The following HERC1 variants were observed in gnomAD, a reference collection of about 807,000 sequenced individuals.
HERC1 encodes the protein HECT and RLD domain containing E3 ubiquitin protein ligase family member 1, also known as probable E3 ubiquitin-protein ligase HERC1.
A neutral mutation model predicts 554.3 loss-of-function variants in HERC1; 160 were observed. That is an observed-to-expected ratio of 0.29 (90% CI 0.25 to 0.33). The LOEUF is 0.33. Among genes scored for constraint, HERC1 ranks in the 10% least tolerant of loss-of-function variants. HERC1 has a pLI of 1.00. For synonymous variants in HERC1, 2,175 were observed against 2,131.7 expected (o/e 1.02, Z -0.56); for missense variants, 4,919 against 5,918.5 (o/e 0.83, Z 5.54).
At chr15:63,621,777 C>T (rs547650210) in intron 74 of HERC1, among the ~76,000 whole-genome samples, 41 of 152,296 alleles carry the variant, frequency 2.7e-4, no homozygotes, top group African/African-American at 8.9e-4. Context: ...TCCAGTTGAT[C>T]GAATCGGTTA....
At chr15:63,764,792 C>G (rs912320424) in intron 2 of HERC1, among the ~76,000 whole-genome samples, 7 of 152,132 alleles carry the variant, frequency 4.6e-5, no homozygotes, top group African/African-American at 1.7e-4. Flanking sequence ...CAGGGAAAGG[C>G]AGTCTCCCAA....
chr15:63,804,009 A>G (rs180908875), intron 1 of HERC1, among the ~76,000 whole-genome samples: 1 of 152,338 alleles, frequency 6.6e-6, no homozygotes, highest in African/African-American at 2.4e-5. Flanking sequence ...ATGCTTATCT[A>G]AAGTGTCAAG....
At chr15:63,658,465 C>T (rs750514112) in intron 48 of HERC1, 79 bp downstream of exon 48, 3 of 1,275,432 alleles carry the variant, frequency 2.4e-6, no homozygotes, top group Non-Finnish European at 3.2e-6. Flanking sequence ...TCTATCTCAC[C>T]CTCCCAAACA....
intron 12 of HERC1, among the ~76,000 whole-genome samples, chr15:63,740,838 C>A (rs7179735): frequency 0.028 from 4,302 of 152,206 alleles, 217 homozygotes; most frequent in African/African-American, 0.1. Context: ...CTCATCAGAT[C>A]TATGACTTAC....
At chr15:63,688,831 G>A (rs2071934555) in intron 33 of HERC1, among the ~76,000 whole-genome samples, 2 of 152,172 alleles carry the variant, frequency 1.3e-5, no homozygotes, top group South Asian at 2.1e-4. Context: ...ATTTGCGTTT[G>A]GGAAACTAGG....
intron 12 of HERC1, among the ~76,000 whole-genome samples, chr15:63,740,039 T>C (rs1485473640): frequency 1.3e-5 from 2 of 152,110 alleles, no homozygotes; most frequent in Non-Finnish European, 2.9e-5. Context: ...GCCTCCCAAG[T>C]ATCTGGGACT....
intron 60 of HERC1, 99 bp from the exon 61 acceptor site, chr15:63,640,544 G>T: frequency 2.0e-6 from 2 of 987,754 alleles, no homozygotes; most frequent in South Asian, 1.7e-5. Flanking sequence ...TATTTTTCAA[G>T]TTTACTGTTT....
At chr15:63,745,506 G>C (rs1315931267) in intron 12 of HERC1, among the ~76,000 whole-genome samples, 1 of 152,186 alleles carries the variant, frequency 6.6e-6, no homozygotes, top group Non-Finnish European at 1.5e-5. Context: ...TGTCAGCTGA[G>C]TTTGGTCCAG....
Position 63,756,891 on chromosome 15 carries a change from AAATCTAAGAGAACACG to A in HERC1, c.1222-159_1222-144del. On this transcript the variant is annotated intron_variant, in intron 4 of 77. Transcript: ENST00000443617. The surrounding 1 kb of genome is among the most constrained non-coding windows in gnomAD (Gnocchi z 5.0). ...TCCAGAGAGATTAAGGAATATACAG[AAATCTAAGAGAACACG>A]AATGGCCTTTTCATGCTCACAACTT... 1.7e-6 allele frequency: 1 copy of A among 585,178 alleles called. No individual in the cohort carries two copies. Among genetic ancestry groups the A allele is most frequent in the Non-Finnish European group, 2.9e-6 (1 of 340,946 alleles). The allele number at this position is 585,178 out of a possible 1,614,324, so 36.2% of individuals were successfully genotyped here. A position where few individuals can be genotyped will look rare whatever the true frequency, so the allele number is the denominator to read the frequency against.
At chr15:63,739,916 T>TTTTA (rs373161086) in intron 12 of HERC1, among the ~76,000 whole-genome samples, 2,093 of 148,184 alleles carry the variant, frequency 0.014, 21 homozygotes, top group East Asian at 0.023. Flanking sequence ...GCATATTTTA[T>TTTTA]TTTTTTTTTT....
chr15:63,737,962 A>T (rs2074621344), intron 12 of HERC1, among the ~76,000 whole-genome samples: 1 of 152,178 alleles, frequency 6.6e-6, no homozygotes, highest in Non-Finnish European at 1.5e-5. Flanking sequence ...CAATTTTCAA[A>T]CTGTTTAAGT....
intron 39 of HERC1, among the ~76,000 whole-genome samples, chr15:63,671,589 T>C (rs1167217445): frequency 6.6e-6 from 1 of 152,124 alleles, no homozygotes; most frequent in Admixed American, 6.5e-5. Context: ...TGTATCAGAA[T>C]CACTAGAGAA....
chr15:63,643,424 TGAGCCCACC>T lies in HERC1; in HGVS notation c.11302_11310del (p.Gly3768_Leu3770del), dbSNP rs1566966166. ...CTTACCCTTAAAGACCAAATGTTCA[TGAGCCCACC>T]TAGTCCACCAGACACCAGGGCCAAC... On this transcript the variant is annotated inframe_deletion, in exon 58 of 78. Transcript: ENST00000443617. The T allele has an allele frequency of 1.2e-6, 2 of 1,613,390 alleles. No individual in the cohort carries two copies. The highest frequency in any genetic ancestry group is 1.7e-6 in the Non-Finnish European group (2 of 1,179,636).
At position 63,706,324 on chromosome 15, in the gene HERC1, G is replaced by GA. The variant is rs1052715025; in HGVS notation, c.4636+455dup. ...TGCTTTATCTTAATAGGCCAAGAGGGAAAAAAAATAGAAACTTTTTATTTC... is the reference window on the plus strand; with the variant it reads ...TGCTTTATCTTAATAGGCCAAGAGGGAAAAAAAAATAGAAACTTTTTATTTC... On this transcript the variant is annotated intron_variant, in intron 25 of 77. Coordinates refer to ENST00000443617, the MANE Select transcript of HERC1 (RefSeq NM_003922.4). Among the ~76,000 whole-genome samples the GA allele has an allele frequency of 4.0e-5, 6 of 151,484 alleles. No individual in the cohort carries two copies. The East Asian group carries it at 9.7e-4, about 24-fold the overall frequency.
chr15:63,762,952 T>C lies in HERC1; in HGVS notation c.1026+1144A>G, dbSNP rs560613374. Among the ~76,000 whole-genome samples the C allele has an allele frequency of 7.2e-5, 11 of 152,320 alleles. No individual in the cohort carries two copies. The South Asian group carries it at 2.1e-3, about 29-fold the overall frequency. On this transcript the variant is annotated intron_variant, in intron 3 of 77. Coordinates refer to ENST00000443617, the MANE Select transcript of HERC1 (RefSeq NM_003922.4). ...TCCCATTATCTCAAGTAGCAGAACATGTTCCATATAAATGCTAAACCATCA... is the reference window on the plus strand; with the variant it reads ...TCCCATTATCTCAAGTAGCAGAACACGTTCCATATAAATGCTAAACCATCA...
Position 63,640,347 on chromosome 15 carries a change from G to C in HERC1, c.11706C>G (p.Asn3902Lys), listed in dbSNP as rs778967450. 8.1e-6 allele frequency: 13 copies of C among 1,613,820 alleles called. No individual in the cohort carries two copies. In the South Asian group the frequency reaches 1.4e-4, roughly 18 times the overall value. ...VGLHLDQLLC[N>K]PPVPPHHQNC... ...TCTGGTGGTGTGGTGGCACTGGAGG[G>C]TTACACAACAGCTGATCCAGATGAA... Residue 3902 changes from asparagine to lysine, a missense_variant, in exon 61 of 78, where the codon AAC (asparagine) becomes AAG (lysine). Transcript: ENST00000443617.
chr15:63,713,123 GT>G, intron 23 of HERC1, among the ~76,000 whole-genome samples: 1 of 152,226 alleles, frequency 6.6e-6, no homozygotes, highest in Admixed American at 6.5e-5. Flanking sequence ...CACTGCTGTT[GT>G]TTATATATAC....
chr15:63,802,262 A>G (rs954442259), intron 1 of HERC1, among the ~76,000 whole-genome samples: 1 of 152,196 alleles, frequency 6.6e-6, no homozygotes, highest in Non-Finnish European at 1.5e-5. Context: ...GCTGTGCAAA[A>G]TTGAACTCCT....
rs147538057 is a variant in HERC1, at chr15:63,723,626, C to T, written c.3569-271G>A. On this transcript the variant is annotated intron_variant, in intron 18 of 77. Transcript: ENST00000443617. The stretch of plus-strand genomic sequence containing the variant: ...AAATGCTTTACCTCTGAGCTATACC[C>T]TACAACTCTGGCGTTTTGGCAGGCA... 2.0e-3 allele frequency among the ~76,000 whole-genome samples: 298 copies of T among 152,258 alleles called. 1 individual carries two copies. The highest frequency in any genetic ancestry group is 6.9e-3 in the African/African-American group (287 of 41,544).
Sources: allele counts gnomAD v4.1 joint callset (sites outside exome capture counted in the v4.1 genomes callset), GRCh38; gene constraint gnomAD v4.1.1; non-coding constraint Gnocchi (gnomAD v3.1); transcripts MANE v1.5; gene names NCBI Gene and HGNC (gene_info 2026-07-23, HGNC 2026-07-21).